The following NXPE3 variants were observed in gnomAD, a reference collection of about 807,000 sequenced individuals.
The protein encoded by NXPE3 is NXPE family member 3.
A neutral mutation model predicts 46.1 loss-of-function variants in NXPE3; 26 were observed. The ratio of observed to expected loss-of-function variants is 0.56; its 90% CI spans 0.41 to 0.78. The LOEUF is 0.78. Ranked by LOEUF, NXPE3 falls within the 30% of genes least tolerant of loss-of-function variation. The pLI is 0.00. For synonymous variants in NXPE3, 272 were observed against 257.9 expected (o/e 1.05, Z -0.52); for missense variants, 620 against 686.0 (o/e 0.90, Z 1.07).
rs1257066809 is a variant in NXPE3, at chr3:101,827,635, A to ACGTCCT, written c.*5681_*5682insCGTCCT. 6.6e-6 allele frequency among the ~76,000 whole-genome samples: 1 copy of ACGTCCT among 152,216 alleles called. No individual in the cohort carries two copies. The highest frequency in any genetic ancestry group is 1.5e-5 in the Non-Finnish European group (1 of 68,038). ...ATCAGGAGATTCACTAGGACATTTT[A>ACGTCCT]AAAGGACGTCTTTAAGGAAAAAGTT... On this transcript the variant is annotated 3_prime_UTR_variant, in exon 8 of 8. Transcript: ENST00000273347.
intron 4 of NXPE3, among the ~76,000 whole-genome samples, chr3:101,792,829 C>T (rs193037785): frequency 6.6e-6 from 1 of 152,282 alleles, no homozygotes; most frequent in East Asian, 1.9e-4. Context: ...CTAGGAATAG[C>T]ATTGAATCTG....
intron 4 of NXPE3, among the ~76,000 whole-genome samples, chr3:101,796,302 A>G (rs371368694): frequency 2.0e-5 from 3 of 152,234 alleles, no homozygotes; most frequent in African/African-American, 4.8e-5. Context: ...GGAGTGAGCC[A>G]TCTGTTTGGT....
At position 101,801,271 on chromosome 3, in the gene NXPE3, G is replaced by T. The variant is rs139375291; in HGVS notation, c.130G>T (p.Asp44Tyr). Residue 44 changes from aspartate (D) to tyrosine (Y), a missense_variant, in exon 5 of 8, where the codon GAC becomes TAC. Asp to Tyr is a radical substitution (Grantham distance 160). Coordinates refer to ENST00000273347, the MANE Select transcript of NXPE3 (RefSeq NM_145037.4). Reference protein sequence around the residue: ...DHETVSATFIDSSGQFVSSQV... With the variant: ...DHETVSATFIYSSGQFVSSQV... Reference sequence around the variant, plus strand: ...TGAGACTGTTTCAGCCACTTTCATCGACAGCAGTGGACAGTTTGTTTCCTC... The same window carrying T: ...TGAGACTGTTTCAGCCACTTTCATCTACAGCAGTGGACAGTTTGTTTCCTC... 1 of 1,613,332 alleles carries T rather than the reference G, an allele frequency of 6.2e-7. No individual in the cohort carries two copies. Among genetic ancestry groups the T allele is most frequent in the African/African-American group, 1.3e-5 (1 of 74,872 alleles).
At chr3:101,811,150 G>T (rs533752257) in intron 6 of NXPE3, among the ~76,000 whole-genome samples, 1 of 152,234 alleles carries the variant, frequency 6.6e-6, no homozygotes, top group African/African-American at 2.4e-5. Flanking sequence ...CTTTTCTCCA[G>T]AGAACACAGC....
At position 101,825,246 on chromosome 3, in the gene NXPE3, C is replaced by T. The variant is rs111498294; in HGVS notation, c.*3292C>T. Reference sequence around the variant, plus strand: ...TTTAGCTCTCACTTATCAGTGAGAACAACTTTCATCCCACATCTAATTTGT... The same window carrying T: ...TTTAGCTCTCACTTATCAGTGAGAATAACTTTCATCCCACATCTAATTTGT... On this transcript the variant is annotated 3_prime_UTR_variant, in exon 8 of 8. Transcript: ENST00000273347. 3.9e-3 allele frequency: 590 copies of T among 152,292 alleles called. 4 individuals are homozygous for T. The highest frequency in any genetic ancestry group is 4.0e-3 in the Non-Finnish European group (275 of 68,028). The allele number at this position is 152,292 out of a possible 1,614,324, so 9.4% of individuals were successfully genotyped here. A position where few individuals can be genotyped will look rare whatever the true frequency, so the allele number is the denominator to read the frequency against.
chr3:101,791,571 A>G (rs1940522107), intron 4 of NXPE3, among the ~76,000 whole-genome samples: 1 of 151,946 alleles, frequency 6.6e-6, no homozygotes, highest in South Asian at 2.1e-4. Context: ...TTTTTAGTAG[A>G]GACATGGTTT....
intron 7 of NXPE3, among the ~76,000 whole-genome samples, chr3:101,820,593 G>T (rs1487944402): frequency 6.6e-6 from 1 of 152,154 alleles, no homozygotes; most frequent in Non-Finnish European, 1.5e-5. Flanking sequence ...TCATTGCAGC[G>T]CTGTTCACGA....
intron 5 of NXPE3, among the ~76,000 whole-genome samples, chr3:101,802,910 C>G (rs1225599300): frequency 6.6e-6 from 1 of 152,012 alleles, no homozygotes; most frequent in Non-Finnish European, 1.5e-5. Flanking sequence ...AGCGTGGTGG[C>G]TCATGACTGT....
Position 101,822,857 on chromosome 3 carries a change from G to C in NXPE3, c.*903G>C, listed in dbSNP as rs1345413785. ...AGGTGTTTTTTTTTTTGTTGTTGTT[G>C]TTGTTATTTTGAACTACTTACCAAA... On this transcript the variant is annotated 3_prime_UTR_variant, in exon 8 of 8. Transcript: ENST00000273347. 1.3e-5 allele frequency: 2 copies of C among 149,778 alleles called. No individual in the cohort carries two copies. Among genetic ancestry groups the C allele is most frequent in the African/African-American group, 4.9e-5 (2 of 40,642 alleles). The allele number at this position is 149,778 out of a possible 1,614,324, so 9.3% of individuals were successfully genotyped here.
intron 2 of NXPE3, among the ~76,000 whole-genome samples, 179 bp from the exon 3 acceptor site, chr3:101,782,478 TACA>T (rs1321164782): frequency 6.6e-6 from 1 of 152,158 alleles, no homozygotes; most frequent in Non-Finnish European, 1.5e-5. Context: ...GTTTTTTTTT[TACA>T]CTACAATTAC....
At chr3:101,806,363 C>G (rs1941417074) in intron 5 of NXPE3, among the ~76,000 whole-genome samples, 1 of 152,098 alleles carries the variant, frequency 6.6e-6, no homozygotes. Flanking sequence ...CTCCTTACCT[C>G]CACCCTCCCC....
intron 4 of NXPE3, among the ~76,000 whole-genome samples, chr3:101,786,417 T>C (rs1267006395): frequency 6.6e-6 from 1 of 152,214 alleles, no homozygotes; most frequent in East Asian, 1.9e-4. Context: ...CATAGGCTTT[T>C]AAAAAAATTT....
chr3:101,803,698 C>T (rs772686949), intron 5 of NXPE3, among the ~76,000 whole-genome samples: 4 of 152,232 alleles, frequency 2.6e-5, no homozygotes, highest in Non-Finnish European at 5.9e-5. Flanking sequence ...CAGCTTGCTG[C>T]AGCCTCAACG....
In NXPE3 at chr3:101,808,854, T is replaced by TATATACACATATATATATAC. The variant is rs770360739; in HGVS notation, c.922+1730_922+1731insATACACATATATATATACAT. On this transcript the variant is annotated intron_variant, in intron 6 of 7. Transcript: ENST00000273347. ...ATATATATATATATATATATATATA[T>TATATACACATATATATATAC]ATGAGACATTTATCTTTTATCTGTT... is the stretch of plus-strand genomic sequence containing the variant. Among the ~76,000 whole-genome samples, 468 of 100,342 alleles carry TATATACACATATATATATAC rather than the reference T, an allele frequency of 4.7e-3. 23 individuals are homozygous for TATATACACATATATATATAC. The highest frequency in any genetic ancestry group is 0.015 in the Middle Eastern group (3 of 194). The allele number at this position is 100,342 out of a possible 152,430, so 65.8% of individuals were successfully genotyped here.
intron 5 of NXPE3, among the ~76,000 whole-genome samples, chr3:101,804,838 T>C (rs929664107): frequency 1.3e-5 from 2 of 152,208 alleles, no homozygotes; most frequent in Non-Finnish European, 2.9e-5. Flanking sequence ...AGGGGTTTCC[T>C]TAAAGATCCT....
In NXPE3 at chr3:101,801,605, C is replaced by G; in HGVS notation, c.464C>G (p.Ala155Gly). 1 of 1,614,192 alleles carries G rather than the reference C, an allele frequency of 6.2e-7. No individual in the cohort carries two copies. Among genetic ancestry groups the G allele is most frequent in the Non-Finnish European group, 8.5e-7 (1 of 1,180,014 alleles). The part of the protein sequence containing the change: ...QARIHSLKLQ[A>G]GAVGRVVDYQ... ...AGAATTCACTCCCTCAAGCTGCAGG[C>G]TGGGGCTGTGGGCAGGGTGGTGGAT... The change falls in exon 5 of 8, where the codon GCT becomes GGT. Residue 155 changes from alanine (A) to glycine (G), a missense_variant. Ala to Gly is a moderately conservative substitution (Grantham distance 60). Around this residue, in one of 3 missense-constraint regions of NXPE3, gnomAD observed 511 missense variants for 528.6 expected, o/e 0.97. Transcript: ENST00000273347.
chr3:101,809,863 C>T (rs1661777239), intron 6 of NXPE3, among the ~76,000 whole-genome samples: 1 of 152,154 alleles, frequency 6.6e-6, no homozygotes. Flanking sequence ...TCTGGCACCA[C>T]AAGATATTTG....
intron 6 of NXPE3, among the ~76,000 whole-genome samples, chr3:101,812,736 C>T (rs566094087): frequency 1.8e-4 from 23 of 126,878 alleles, no homozygotes; most frequent in Non-Finnish European, 3.1e-4. Flanking sequence ...GGCGTGAACC[C>T]GGGAGGCGGA....
In NXPE3 at chr3:101,785,536, G is replaced by C; in HGVS notation, c.-61G>C. The C allele has an allele frequency of 6.9e-7, 1 of 1,448,798 alleles. No homozygotes were observed. The highest frequency in any genetic ancestry group is 1.1e-5 in the South Asian group (1 of 87,722). 89.7% of individuals were successfully genotyped at this position (1,448,798 alleles called of 1,614,324 possible). A position where few individuals can be genotyped will look rare whatever the true frequency, so the allele number is the denominator to read the frequency against. On this transcript the variant is annotated 5_prime_UTR_variant, in exon 4 of 8. Coordinates refer to ENST00000273347, the MANE Select transcript of NXPE3 (RefSeq NM_145037.4). ...TGCAGCTCAGAAAAGCAAAGACATG[G>C]AATTTTAAAGAGTGAAGGTAGCATG...
Sources: gnomAD v4.1 joint callset for allele counts (sites outside exome capture counted in the v4.1 genomes callset) on GRCh38, gnomAD v4.1.1 for gene constraint, gnomAD v4.1.1 regional missense constraint, MANE v1.5 for transcripts, NCBI Gene and HGNC (gene_info 2026-07-23, HGNC 2026-07-21) for gene names.